ABCB7: variants seen among roughly 807,000 people sequenced by gnomAD.
The protein encoded by ABCB7 is iron-sulfur clusters transporter ABCB7, mitochondrial.
In ABCB7, 7 loss-of-function variants were observed where a neutral mutation model predicts 54.4. That is an observed-to-expected ratio of 0.13 (90% CI 0.07 to 0.24). ABCB7 has a LOEUF of 0.24. Among genes scored for constraint, ABCB7 ranks in the 10% least tolerant of loss-of-function variants. The probability of loss-of-function intolerance (pLI) is 1.00; values close to 1 mark genes in which losing one functional copy is unlikely to be tolerated. For synonymous variants in ABCB7, 218 were observed against 207.1 expected (o/e 1.05, Z -0.45); for missense variants, 356 against 570.4 (o/e 0.62, Z 3.83).
intron 10 of ABCB7, 113 bp from the exon 11 acceptor site, chrX:75,069,567 T>G: frequency 2.4e-6 from 2 of 839,923 alleles, no homozygotes; most frequent in East Asian, 3.2e-5. Context: ...GAAGGAGGTT[T>G]ATAAGTGGAC....
chrX:75,102,357 C>T, intron 3 of ABCB7, among the ~76,000 whole-genome samples: 1 of 111,180 alleles, frequency 9.0e-6, no homozygotes, highest in Non-Finnish European at 1.9e-5. Context: ...ACACCCTTCC[C>T]AGGCTCTGAT....
chrX:75,085,493 T>C lies in ABCB7; in HGVS notation c.454-8839A>G, dbSNP rs148329300. 1.5e-3 allele frequency among the ~76,000 whole-genome samples: 163 copies of C among 111,582 alleles called. 1 individual carries two copies. In the East Asian group the frequency reaches 0.043, roughly 30 times the overall value. ...AACAAAAGGGAGATTTTTGGGGTGATAGCACTTGTCTGTATCCTGACTGTG... is the reference window on the plus strand; with the variant it reads ...AACAAAAGGGAGATTTTTGGGGTGACAGCACTTGTCTGTATCCTGACTGTG... On this transcript the variant is annotated intron_variant, in intron 4 of 15. Transcript: ENST00000373394.
chrX:75,155,467 A>G (rs192001025), intron 1 of ABCB7, among the ~76,000 whole-genome samples: 48 of 112,561 alleles, frequency 4.3e-4, no homozygotes, highest in Non-Finnish European at 4.1e-4. Context: ...AGCTACATTC[A>G]TAAGTTAAGG....
chrX:75,110,605 T>C (rs1183703644), intron 3 of ABCB7, among the ~76,000 whole-genome samples: 1 of 112,149 alleles, frequency 8.9e-6, no homozygotes, highest in Non-Finnish European at 1.9e-5. Flanking sequence ...AAAAAGAGTA[T>C]GTCAAGCAAA....
At chrX:75,088,916 T>G (rs764147180) in intron 4 of ABCB7, among the ~76,000 whole-genome samples, 1 of 104,274 alleles carries the variant, frequency 9.6e-6, no homozygotes, top group South Asian at 4.2e-4. Context: ...GCATATCATA[T>G]TCAAACTACA....
chrX:75,074,067 G>A (rs1390526184), intron 6 of ABCB7, 111 bp from the exon 7 acceptor site: 1 of 633,386 alleles, frequency 1.6e-6, no homozygotes, highest in African/African-American at 2.2e-5. Context: ...AAATATGGTG[G>A]CGTGAAGTTA....
chrX:75,114,288 T>G (rs1334324871), intron 2 of ABCB7, among the ~76,000 whole-genome samples: 1 of 112,048 alleles, frequency 8.9e-6, no homozygotes, highest in Non-Finnish European at 1.9e-5. Flanking sequence ...GCACTGAGAA[T>G]TTTTAAAGAT....
intron 3 of ABCB7, among the ~76,000 whole-genome samples, chrX:75,111,076 C>G (rs2081756127): frequency 9.0e-6 from 1 of 111,395 alleles, no homozygotes; most frequent in African/African-American, 3.3e-5. Flanking sequence ...TTGGGCAACA[C>G]AGAGAGATCC....
At chrX:75,072,110 C>T (rs912491449) in intron 8 of ABCB7, among the ~76,000 whole-genome samples, 4 of 111,167 alleles carry the variant, frequency 3.6e-5, no homozygotes, top group African/African-American at 1.3e-4. Flanking sequence ...TTTTTTACCA[C>T]CCTCCCCTGT....
At chrX:75,142,128 C>T (rs2082058484) in intron 1 of ABCB7, among the ~76,000 whole-genome samples, 1 of 111,089 alleles carries the variant, frequency 9.0e-6, no homozygotes, top group South Asian at 3.9e-4. Context: ...AGACAGTTGT[C>T]CCACAGTATC....
At chrX:75,109,112 T>G (rs1052585694) in intron 3 of ABCB7, among the ~76,000 whole-genome samples, 34 of 111,227 alleles carry the variant, frequency 3.1e-4, no homozygotes, top group Non-Finnish European at 5.7e-5. Context: ...CTCAGTAGGG[T>G]GTAACTGGAA....
At chrX:75,079,611 A>C (rs1214474893) in intron 4 of ABCB7, among the ~76,000 whole-genome samples, 1 of 112,248 alleles carries the variant, frequency 8.9e-6, no homozygotes, top group African/African-American at 3.2e-5. Context: ...ATTTCACTGT[A>C]GTTCAGTATC....
At position 75,051,638 on chromosome X, in the gene ABCB7, G is replaced by A. The variant is rs761544991; in HGVS notation, c.*1732C>T. ...AAGGTAAAACTTGATTATGTTGTTT[G>A]GGCTCCTCCTCGTTATGTCAGGCTT... is the stretch of plus-strand genomic sequence containing the variant. On this transcript the variant is annotated 3_prime_UTR_variant, in exon 16 of 16. Coordinates refer to ENST00000373394, the MANE Select transcript of ABCB7 (RefSeq NM_001271696.3). 2 of 111,974 alleles carry A rather than the reference G, an allele frequency of 1.8e-5. No individual in the cohort carries two copies. The highest frequency in any genetic ancestry group is 3.2e-5 in the African/African-American group (1 of 30,920). The allele number at this position is 111,974 out of a possible 1,213,427, so 9.2% of individuals were successfully genotyped here. A position where few individuals can be genotyped will look rare whatever the true frequency, so the allele number is the denominator to read the frequency against.
intron 13 of ABCB7, 134 bp from the exon 14 acceptor site, chrX:75,062,565 G>A: frequency 2.0e-6 from 1 of 509,407 alleles, no homozygotes; most frequent in Non-Finnish European, 3.5e-6. Context: ...TCATTTTACT[G>A]AGTTGTAGAG....
chrX:75,097,122 TA>T (rs1569230390), intron 4 of ABCB7, among the ~76,000 whole-genome samples: 1 of 111,719 alleles, frequency 9.0e-6, no homozygotes, highest in Non-Finnish European at 1.9e-5. Context: ...CCCACATAAT[TA>T]AATACATTTT....
chrX:75,104,424 T>C (rs1220751118), intron 3 of ABCB7, among the ~76,000 whole-genome samples: 4 of 109,407 alleles, frequency 3.7e-5, no homozygotes, highest in Non-Finnish European at 5.7e-5. Flanking sequence ...CTTCTATGCA[T>C]ACAAACTAGA....
Position 75,053,377 on chromosome X carries a change from G to A in ABCB7, c.2252C>T (p.Ser751Leu), listed in dbSNP as rs372891558. Residue 751 changes from serine (S) to leucine (L), a missense_variant, in exon 16 of 16, where the codon TCG becomes TTG. Around this residue, in one of 2 missense-constraint regions of ABCB7, gnomAD observed 241 missense variants for 470.9 expected, o/e 0.51. Transcript: ENST00000373394. ...VNSVKGCGNCSC is the reference protein window; with the variant it reads ...VNSVKGCGNCLC ...GAAAATGTCTTATGTGACTTAGCAC[G>A]AACAGTTTCCACAGCCTTTCACACT... is the stretch of plus-strand genomic sequence containing the variant. 1.4e-5 allele frequency: 17 copies of A among 1,209,845 alleles called. No homozygotes were observed. The highest frequency in any genetic ancestry group is 7.0e-5 in the South Asian group (4 of 56,821).
chrX:75,105,807 A>C, intron 3 of ABCB7, among the ~76,000 whole-genome samples: 1 of 111,900 alleles, frequency 8.9e-6, no homozygotes, highest in Middle Eastern at 4.6e-3. Flanking sequence ...ATAAAAATAC[A>C]CACATAAATC....
chrX:75,087,595 T>C (rs1415672166), intron 4 of ABCB7, among the ~76,000 whole-genome samples: 1 of 111,532 alleles, frequency 9.0e-6, no homozygotes, highest in Admixed American at 9.5e-5. Flanking sequence ...CCTTGCAACA[T>C]AGCTGAATAT....
Sources: allele counts gnomAD v4.1 joint callset (sites outside exome capture counted in the v4.1 genomes callset), GRCh38; gene constraint gnomAD v4.1.1; regional missense constraint gnomAD v4.1.1; transcripts MANE v1.5; gene names NCBI Gene and HGNC (gene_info 2026-07-23, HGNC 2026-07-21).